Variants in ASTN1 observed in about 807,000 individuals in gnomAD.
ASTN1 encodes astrotactin-1.
Under a neutral mutation model 140.7 loss-of-function variants are expected in ASTN1, and 41 were observed. The observed-to-expected ratio is 0.29, with a 90% CI of 0.23 to 0.38. The LOEUF (loss-of-function observed/expected upper bound fraction) is 0.38. Among genes scored for constraint, ASTN1 ranks in the 10% least tolerant of loss-of-function variants. The pLI is 1.00. For synonymous variants in ASTN1, 640 were observed against 652.2 expected (o/e 0.98, Z 0.29); for missense variants, 1,479 against 1,678.8 (o/e 0.88, Z 2.08).
intron 14 of ASTN1, among the ~76,000 whole-genome samples, chr1:176,943,264 G>C (rs1048320197): frequency 3.9e-5 from 6 of 151,956 alleles, no homozygotes; most frequent in African/African-American, 1.2e-4. Context: ...AGAGATTCCT[G>C]CCTCTTCTAA....
Position 176,972,629 on chromosome 1 carries a change from G to T in ASTN1, c.1524-7392C>A, listed in dbSNP as rs184854672. Among the ~76,000 whole-genome samples, 6 of 152,162 alleles carry T rather than the reference G, an allele frequency of 3.9e-5. No homozygotes were observed. The East Asian group carries it at 1.2e-3, about 29-fold the overall frequency. On this transcript the variant is annotated intron_variant, in intron 8 of 22. Transcript: ENST00000361833. ...TCCTCCTGCCTGTGCTCTCCAAAGT[G>T]CTGGGATTACAGCTGTGAGCCACCA...
At position 176,943,919 on chromosome 1, in the gene ASTN1, C is replaced by T; in HGVS notation, c.2349G>A (p.Glu783=). 1 of 1,612,062 alleles carries T rather than the reference C, an allele frequency of 6.2e-7. No individual in the cohort carries two copies. The highest frequency in any genetic ancestry group is 1.1e-5 in the South Asian group (1 of 90,902). The change falls in exon 14 of 23, where the codon GAG becomes GAA. Residue 783 remains glutamate (E), a synonymous_variant. Transcript: ENST00000361833. ...LENQCLEEIS[E]PTPDPDFLTG... The stretch of plus-strand genomic sequence containing the variant: ...TCAGGAAGTCAGGGTCAGGGGTGGG[C>T]TCCGAGATCTCCTCTAGGCATTGAT...
At chr1:176,964,665 G>A (rs188369218) in intron 9 of ASTN1, among the ~76,000 whole-genome samples, 2 of 152,144 alleles carry the variant, frequency 1.3e-5, no homozygotes, top group African/African-American at 4.8e-5. Flanking sequence ...AAATAATAAT[G>A]AGGTAGAGTT....
At chr1:177,039,945 C>G (rs893858257) in intron 2 of ASTN1, among the ~76,000 whole-genome samples, 1 of 152,186 alleles carries the variant, frequency 6.6e-6, no homozygotes, top group Non-Finnish European at 1.5e-5. Flanking sequence ...CAAGCAGATC[C>G]GCTCTTCCCC....
At chr1:176,904,269 C>A (rs1669890713) in intron 16 of ASTN1, among the ~76,000 whole-genome samples, 1 of 152,146 alleles carries the variant, frequency 6.6e-6, no homozygotes, top group Non-Finnish European at 1.5e-5. Flanking sequence ...CCTCCCAGGG[C>A]TTAAGGGCAG....
At chr1:176,906,538 G>T (rs1670008066) in intron 16 of ASTN1, among the ~76,000 whole-genome samples, 1 of 152,176 alleles carries the variant, frequency 6.6e-6, no homozygotes, top group African/African-American at 2.4e-5. Flanking sequence ...AGGGGATTTT[G>T]CTTACACAGG....
chr1:177,138,201 G>A (rs574782970), intron 1 of ASTN1, among the ~76,000 whole-genome samples: 2 of 152,162 alleles, frequency 1.3e-5, no homozygotes, highest in Non-Finnish European at 2.9e-5. Context: ...GCTAAATTTG[G>A]TTTCTATTCA....
chr1:176,936,167 T>TCG, intron 15 of ASTN1, 99 bp downstream of exon 15: 1 of 1,024,284 alleles, frequency 9.8e-7, no homozygotes, highest in Non-Finnish European at 1.5e-6. Context: ...AGCTACATTT[T>TCG]AGGCTGCATC....
At chr1:176,998,021 G>A (rs940106355) in intron 8 of ASTN1, among the ~76,000 whole-genome samples, 4 of 152,142 alleles carry the variant, frequency 2.6e-5, no homozygotes, top group African/African-American at 9.7e-5. Context: ...CAAATGCTGG[G>A]TCTGTCTTGC....
intron 1 of ASTN1, among the ~76,000 whole-genome samples, chr1:177,075,078 C>CT (rs950961462): frequency 4.6e-5 from 7 of 151,888 alleles, no homozygotes; most frequent in East Asian, 1.9e-4. Context: ...CAATTTCTTG[C>CT]TTTTTTTTAT....
At chr1:177,061,041 G>T in intron 2 of ASTN1, 37 bp downstream of exon 2, 1 of 1,486,970 alleles carries the variant, frequency 6.7e-7, no homozygotes, top group Non-Finnish European at 9.0e-7. Context: ...GGTAACATAA[G>T]CTATGGCCTG....
intron 16 of ASTN1, among the ~76,000 whole-genome samples, chr1:176,897,274 CAAAAAAAAA>C (rs56828059): frequency 4.5e-5 from 2 of 44,146 alleles, no homozygotes; most frequent in African/African-American, 2.0e-4. Flanking sequence ...GACTCCGTCT[CAAAAAAAAA>C]AAAAAAAAAA....
At chr1:177,017,102 C>G (rs1027367910) in intron 7 of ASTN1, among the ~76,000 whole-genome samples, 1 of 152,158 alleles carries the variant, frequency 6.6e-6, no homozygotes, top group African/African-American at 2.4e-5. Flanking sequence ...TCAAGCCGAG[C>G]CTTATTTTCC....
At chr1:177,032,135 T>C (rs1676472669) in intron 3 of ASTN1, among the ~76,000 whole-genome samples, 1 of 152,202 alleles carries the variant, frequency 6.6e-6, no homozygotes, top group Non-Finnish European at 1.5e-5. Flanking sequence ...TCATTTTTCT[T>C]GCTATCTCAT....
At chr1:176,942,838 A>AC (rs1671788829) in intron 14 of ASTN1, among the ~76,000 whole-genome samples, 1 of 63,346 alleles carries the variant, frequency 1.6e-5, no homozygotes, top group Non-Finnish European at 3.3e-5. Flanking sequence ...ATATATATGT[A>AC]TATATATATA....
chr1:176,860,132 A>T (rs6693679), downstream of ASTN1, among the ~76,000 whole-genome samples: 10 of 152,058 alleles, frequency 6.6e-5, no homozygotes, highest in African/African-American at 2.2e-4. Flanking sequence ...GTTCCAGAGA[A>T]GCAGGCAGAA....
chr1:177,078,938 A>G (rs1043622527), intron 1 of ASTN1, among the ~76,000 whole-genome samples: 1 of 152,136 alleles, frequency 6.6e-6, no homozygotes, highest in Admixed American at 6.6e-5. Context: ...TCATGTAAAA[A>G]AAAATCAATT....
intron 1 of ASTN1, among the ~76,000 whole-genome samples, chr1:177,093,011 T>A (rs1329472609): frequency 6.6e-6 from 1 of 152,178 alleles, no homozygotes; most frequent in Non-Finnish European, 1.5e-5. Flanking sequence ...AAGACGGAAC[T>A]GAACAGAGAG....
chr1:177,100,621 G>T (rs935519583), intron 1 of ASTN1, among the ~76,000 whole-genome samples: 1 of 152,026 alleles, frequency 6.6e-6, no homozygotes, highest in East Asian at 1.9e-4. Flanking sequence ...ATTACCACTG[G>T]GTAAGGGTAA....
Sources: allele counts gnomAD v4.1 joint callset (sites outside exome capture counted in the v4.1 genomes callset), GRCh38; gene constraint gnomAD v4.1.1; transcripts MANE v1.5; gene names NCBI Gene and HGNC (gene_info 2026-07-23, HGNC 2026-07-21).